Variants in NAV2 observed in about 807,000 individuals in gnomAD.
NAV2 encodes the protein neuron navigator 2.
NAV2 carries 54 observed loss-of-function variants against 223.2 expected under a neutral mutation model. The ratio of observed to expected loss-of-function variants is 0.24; its 90% CI spans 0.19 to 0.30. The LOEUF is 0.30. Ranked by LOEUF, NAV2 falls within the 10% of genes least tolerant of loss-of-function variation. The pLI, the probability that NAV2 is intolerant of heterozygous loss-of-function variation, is 1.00. For synonymous variants in NAV2, 1,279 were observed against 1,239.3 expected, an observed-to-expected ratio of 1.03 and a Z score of -0.67; for missense variants, 2,806 against 3,147.5, an observed-to-expected ratio of 0.89 and a Z score of 2.60.
intron 1 of NAV2, among the ~76,000 whole-genome samples, chr11:19,547,571 A>G (rs1190642736): frequency 6.6e-6 from 1 of 152,134 alleles, no homozygotes; most frequent in Non-Finnish European, 1.5e-5. Context: ...GCTGGCTTCC[A>G]ACTGCAGGTT....
chr11:19,623,530 G>C (rs1160563519), intron 1 of NAV2, among the ~76,000 whole-genome samples: 1 of 152,028 alleles, frequency 6.6e-6, no homozygotes, highest in Non-Finnish European at 1.5e-5. Flanking sequence ...TTTAATCACT[G>C]ATACCCTTTC....
intron 14 of NAV2, among the ~76,000 whole-genome samples, chr11:20,046,745 C>T (rs1481889363): frequency 6.6e-6 from 1 of 152,132 alleles, no homozygotes; most frequent in East Asian, 1.9e-4. Flanking sequence ...AAATTATTCA[C>T]TTGTTTAAAG....
chr11:19,931,225 T>G (rs1464518288), intron 6 of NAV2, among the ~76,000 whole-genome samples: 1 of 152,184 alleles, frequency 6.6e-6, no homozygotes, highest in South Asian at 2.1e-4. Context: ...GCCAGCAGTG[T>G]GGGTGGGTTC....
At chr11:19,489,405 A>C (rs2042550321) in intron 1 of NAV2, among the ~76,000 whole-genome samples, 2 of 152,208 alleles carry the variant, frequency 1.3e-5, no homozygotes, top group African/African-American at 4.8e-5. Context: ...ACTGTGTACT[A>C]TGATGTGGGA....
At chr11:19,703,373 G>A (rs137934615) in intron 1 of NAV2, among the ~76,000 whole-genome samples, 300 of 152,348 alleles carry the variant, frequency 2.0e-3, no homozygotes, top group African/African-American at 6.9e-3. Flanking sequence ...CTGGGGCAGA[G>A]TCAGAGGGTA....
intron 22 of NAV2, among the ~76,000 whole-genome samples, chr11:20,071,106 G>GCCCCCCCC (rs35206561): frequency 7.8e-6 from 1 of 128,376 alleles, no homozygotes; most frequent in Non-Finnish European, 1.6e-5. Context: ...CCCTCCCCTA[G>GCCCCCCCC]CCCCCCACCC....
intron 11 of NAV2, among the ~76,000 whole-genome samples, chr11:20,017,337 G>A (rs1012001204): frequency 2.2e-4 from 33 of 152,226 alleles, no homozygotes; most frequent in African/African-American, 7.7e-4. Flanking sequence ...TGCACTTGAT[G>A]CGTCCCCCTT....
chr11:19,389,688 A>G (rs750205064), intron 1 of NAV2, among the ~76,000 whole-genome samples: 1 of 152,214 alleles, frequency 6.6e-6, no homozygotes, highest in Non-Finnish European at 1.5e-5. Context: ...TATGGCACAC[A>G]GTAGGTACTT....
At chr11:20,056,897 T>C (rs2058394688) in intron 19 of NAV2, among the ~76,000 whole-genome samples, 1 of 152,200 alleles carries the variant, frequency 6.6e-6, no homozygotes, top group African/African-American at 2.4e-5. Context: ...ATAATACATA[T>C]AAATGTTAAC....
At chr11:19,406,931 A>G (rs1849922105) in intron 1 of NAV2, among the ~76,000 whole-genome samples, 1 of 152,098 alleles carries the variant, frequency 6.6e-6, no homozygotes, top group African/African-American at 2.4e-5. Context: ...CTACTCCCCT[A>G]TTTTGGGGTA....
chr11:19,649,153 A>G (rs2047896661), intron 1 of NAV2, among the ~76,000 whole-genome samples: 2 of 152,204 alleles, frequency 1.3e-5, no homozygotes. Flanking sequence ...AGGAACATTC[A>G]TATCACTAAA....
intron 6 of NAV2, among the ~76,000 whole-genome samples, chr11:19,915,209 T>A (rs563945617): frequency 2.5e-4 from 38 of 152,220 alleles, no homozygotes; most frequent in Non-Finnish European, 4.3e-4. Flanking sequence ...ACTCAGTTGA[T>A]CATGGAGTCC....
At chr11:20,108,004 C>T (rs1274142157) in intron 36 of NAV2, among the ~76,000 whole-genome samples, 2 of 152,230 alleles carry the variant, frequency 1.3e-5, no homozygotes, top group Non-Finnish European at 2.9e-5. Flanking sequence ...GTTAGCCTTT[C>T]TGTGCCTCAG....
intron 1 of NAV2, among the ~76,000 whole-genome samples, chr11:19,489,701 G>C (rs997323508): frequency 2.8e-4 from 43 of 152,200 alleles, no homozygotes; most frequent in African/African-American, 9.9e-4. Context: ...TATGAGAATT[G>C]TCTTGTGGAG....
At chr11:20,073,012 C>G (rs1267428810) in intron 22 of NAV2, among the ~76,000 whole-genome samples, 5 of 152,068 alleles carry the variant, frequency 3.3e-5, no homozygotes, top group African/African-American at 1.2e-4. Context: ...TTGTCTTGTG[C>G]CAGTTTTCAA....
At chr11:19,863,635 G>A (rs2061921817) in intron 3 of NAV2, among the ~76,000 whole-genome samples, 1 of 152,112 alleles carries the variant, frequency 6.6e-6, no homozygotes. Context: ...ATTCTTGTCT[G>A]TTACCCTCCC....
At chr11:20,053,221 A>G (rs1046151680) in intron 17 of NAV2, among the ~76,000 whole-genome samples, 1,350 of 124,970 alleles carry the variant, frequency 0.011, 24 homozygotes, top group African/African-American at 0.036. Flanking sequence ...ACGTCTCGAA[A>G]AAAAAAAAAA....
chr11:19,797,683 G>T (rs2058004091), intron 1 of NAV2, among the ~76,000 whole-genome samples: 2 of 152,146 alleles, frequency 1.3e-5, no homozygotes, highest in East Asian at 3.9e-4. Context: ...TAGCACAATG[G>T]ATGGATTTTT....
intron 1 of NAV2, among the ~76,000 whole-genome samples, chr11:19,517,678 G>T (rs2134289240): frequency 6.6e-6 from 1 of 152,330 alleles, no homozygotes; most frequent in South Asian, 2.1e-4. Flanking sequence ...TGCACCAGTG[G>T]TACACCAAAC....
Sources: allele counts gnomAD v4.1 joint callset (sites outside exome capture counted in the v4.1 genomes callset), GRCh38; gene constraint gnomAD v4.1.1; transcripts MANE v1.5; gene names NCBI Gene and HGNC (gene_info 2026-07-23, HGNC 2026-07-21).